Variants in ZNF143 observed in about 807,000 individuals in gnomAD.
ZNF143 encodes the protein SPH-binding factor.
In ZNF143, 49 loss-of-function variants were observed where a neutral mutation model predicts 74.1. The ratio of observed to expected loss-of-function variants is 0.66; its 90% CI spans 0.53 to 0.84. The LOEUF (loss-of-function observed/expected upper bound fraction) is 0.84. ZNF143 is among the 40% of genes least tolerant of loss of function. The pLI is 0.00. For missense variants in ZNF143, 637 were observed against 793.4 expected, an observed-to-expected ratio of 0.80 and a Z score of 2.37; for synonymous variants, 304 against 282.8, an observed-to-expected ratio of 1.07 and a Z score of -0.75.
At chr11:9,526,932 C>A (rs554384446) in intron 15 of ZNF143, among the ~76,000 whole-genome samples, 10 of 152,318 alleles carry the variant, frequency 6.6e-5, no homozygotes, top group Non-Finnish European at 1.5e-4. Context: ...TCATGCCATT[C>A]TCCTCCCTCA....
At position 9,506,419 on chromosome 11, in the gene ZNF143, A is replaced by G. The variant is rs191565382; in HGVS notation, c.1148-2200A>G. On this transcript the variant is annotated intron_variant, in intron 11 of 15. Transcript: ENST00000396602. Reference sequence around the variant, plus strand: ...CATTTTATGGGCAAATTAGCATTCAATAAGAGAGATGCCTACATTAAGTTT... The same window carrying G: ...CATTTTATGGGCAAATTAGCATTCAGTAAGAGAGATGCCTACATTAAGTTT... 3.3e-5 allele frequency among the ~76,000 whole-genome samples: 5 copies of G among 152,392 alleles called. 1 individual carries two copies. Among genetic ancestry groups the G allele is most frequent in the South Asian group, 4.1e-4 (2 of 4,828 alleles).
At chr11:9,522,613 C>T (rs560519507) in intron 14 of ZNF143, among the ~76,000 whole-genome samples, 21 of 152,222 alleles carry the variant, frequency 1.4e-4, no homozygotes, top group Non-Finnish European at 2.9e-4. Flanking sequence ...CCTGCCTCAG[C>T]CTCCCAAGTA....
intron 1 of ZNF143, among the ~76,000 whole-genome samples, chr11:9,468,199 TA>T (rs540545458): frequency 2.6e-4 from 40 of 152,228 alleles, no homozygotes; most frequent in Non-Finnish European, 3.8e-4. Context: ...CCATGTCCAT[TA>T]GTGCTACTTT....
chr11:9,484,781 C>T (rs372391730), intron 7 of ZNF143, among the ~76,000 whole-genome samples: 2 of 127,884 alleles, frequency 1.6e-5, no homozygotes, highest in African/African-American at 3.0e-5. Context: ...CAGGCGTGAG[C>T]CACCGCACCT....
intron 7 of ZNF143, among the ~76,000 whole-genome samples, chr11:9,481,015 C>T (rs190598483): frequency 6.6e-6 from 1 of 152,254 alleles, no homozygotes; most frequent in Admixed American, 6.5e-5. Context: ...TTTCAGTTCA[C>T]TAAGCCCATC....
At chr11:9,472,604 T>C (rs1440699935) in intron 2 of ZNF143, 73 bp from the exon 3 acceptor site, 16 of 1,355,982 alleles carry the variant, frequency 1.2e-5, no homozygotes, top group South Asian at 9.8e-5. Context: ...TTCTGATCTT[T>C]ATTTGAAAAA....
chr11:9,514,447 A>C (rs181204938), intron 13 of ZNF143, among the ~76,000 whole-genome samples: 4 of 152,316 alleles, frequency 2.6e-5, no homozygotes, highest in Admixed American at 2.6e-4. Flanking sequence ...CAGTGGACTT[A>C]GTGTTGGAAT....
At chr11:9,491,336 G>A (rs1026617415) in intron 7 of ZNF143, among the ~76,000 whole-genome samples, 1 of 149,648 alleles carries the variant, frequency 6.7e-6, no homozygotes, top group African/African-American at 2.5e-5. Flanking sequence ...TTACTTTTTT[G>A]TTTATTAAGA....
At chr11:9,511,687 C>T (rs1383330940) in intron 12 of ZNF143, among the ~76,000 whole-genome samples, 1 of 151,892 alleles carries the variant, frequency 6.6e-6, no homozygotes, top group African/African-American at 2.4e-5. Flanking sequence ...ATCTGCCCAC[C>T]TTGGCTTCCC....
chr11:9,461,914 A>G (rs995747011), intron 1 of ZNF143: 1 of 152,220 alleles, frequency 6.6e-6, no homozygotes, highest in Non-Finnish European at 1.5e-5. Flanking sequence ...TTGCTTTGGA[A>G]GTGTCTAAAT....
chr11:9,503,075 C>T lies in ZNF143; in HGVS notation c.1147+1805C>T, dbSNP rs181352995. ...CTCGATCTCCTGACCTCGTGATCCA[C>T]CTGCCTCGACCTCCCAAAGTGCTGG... is the stretch of plus-strand genomic sequence containing the variant. On this transcript the variant is annotated intron_variant, in intron 11 of 15. Coordinates refer to ENST00000396602, the MANE Select transcript of ZNF143 (RefSeq NM_003442.6). Among the ~76,000 whole-genome samples the T allele has an allele frequency of 2.1e-3, 318 of 152,258 alleles. 1 individual carries two copies. The highest frequency in any genetic ancestry group is 7.4e-3 in the African/African-American group (308 of 41,544).
rs766088450 is a variant in ZNF143 at position 9,501,097 on chromosome 11, G to C, written c.974G>C (p.Arg325Thr). ...TTACCCTTTATATTTGCAGGAGAAA[G>C]GCCCTTTAAGTGTCCCTTCGAAGGC... ...QKHIRTHTGERPFKCPFEGCG... is the reference protein window; with the variant it reads ...QKHIRTHTGETPFKCPFEGCG... Residue 325 changes from arginine (R) to threonine (T), a missense_variant, in exon 11 of 16, where the codon AGG becomes ACG. Arg to Thr is a moderately conservative substitution (Grantham distance 71). Around this residue, in one of 2 missense-constraint regions of ZNF143, gnomAD observed 344 missense variants for 485.6 expected, o/e 0.71. Coordinates refer to ENST00000396602, the MANE Select transcript of ZNF143 (RefSeq NM_003442.6). The C allele has an allele frequency of 6.2e-7, 1 of 1,614,110 alleles. No individual in the cohort carries two copies. The highest frequency in any genetic ancestry group is 1.7e-5 in the Admixed American group (1 of 59,996).
At chr11:9,505,394 C>G (rs1017955648) in intron 11 of ZNF143, among the ~76,000 whole-genome samples, 2 of 150,806 alleles carry the variant, frequency 1.3e-5, no homozygotes, top group African/African-American at 4.9e-5. Flanking sequence ...CTCAGCCTCC[C>G]GAGTAGCTGG....
chr11:9,461,621 C>T (rs988138134), intron 1 of ZNF143: 2 of 152,118 alleles, frequency 1.3e-5, no homozygotes, highest in East Asian at 1.9e-4. Flanking sequence ...AGATTGTTTC[C>T]CCCTCACCCT....
chr11:9,479,465 C>A lies in ZNF143; in HGVS notation c.571-7C>A. The A allele has an allele frequency of 6.2e-7, 1 of 1,608,198 alleles. No homozygotes were observed. The highest frequency in any genetic ancestry group is 1.3e-5 in the African/African-American group (1 of 74,546). On this transcript the variant is annotated splice_region_variant and splice_polypyrimidine_tract_variant and intron_variant, in intron 6 of 15. Transcript: ENST00000396602. Reference sequence around the variant, plus strand: ...AAACATTTTAAAGCTTTATTTTATTCCTATAGGTGTCCATTGATGGAAGTG... The same window carrying A: ...AAACATTTTAAAGCTTTATTTTATTACTATAGGTGTCCATTGATGGAAGTG...
At chr11:9,517,174 G>A (rs1336877374) in intron 14 of ZNF143, among the ~76,000 whole-genome samples, 1 of 149,750 alleles carries the variant, frequency 6.7e-6, no homozygotes, top group African/African-American at 2.5e-5. Context: ...ACAGGCATGA[G>A]CCACCATGCC....
At chr11:9,481,798 G>T (rs1477102704) in intron 7 of ZNF143, among the ~76,000 whole-genome samples, 1 of 149,004 alleles carries the variant, frequency 6.7e-6, no homozygotes, top group African/African-American at 2.5e-5. Context: ...TGAGGCAGGA[G>T]AATCGCTTGA....
chr11:9,484,378 A>G lies in ZNF143; in HGVS notation c.645+4832A>G, dbSNP rs2133958360. Among the ~76,000 whole-genome samples, 2 of 151,100 alleles carry G rather than the reference A, an allele frequency of 1.3e-5. 1 individual carries two copies. The highest frequency in any genetic ancestry group is 4.9e-5 in the African/African-American group (2 of 40,640). ...CCGGCTAATTTTTTATATTTTTGTT[A>G]AAGAAATATTTAAAAAAATGTTTTT... On this transcript the variant is annotated intron_variant, in intron 7 of 15. Coordinates refer to ENST00000396602, the MANE Select transcript of ZNF143 (RefSeq NM_003442.6).
In ZNF143 at chr11:9,461,025, G is replaced by C; in HGVS notation, c.-59G>C. The C allele has an allele frequency of 1.0e-6, 1 of 986,206 alleles. No homozygotes were observed. The highest frequency in any genetic ancestry group is 1.2e-6 in the Non-Finnish European group (1 of 830,248). 61.1% of individuals were successfully genotyped at this position (986,206 alleles called of 1,614,324 possible). ...CCTGGGGGCCGGACGGCTGTTTCCT[G>C]TCCTGGTGCATGGTGGTCGGACGAA... On this transcript the variant is annotated 5_prime_UTR_variant, in exon 1 of 16. Coordinates refer to ENST00000396602, the MANE Select transcript of ZNF143 (RefSeq NM_003442.6).
Sources: gnomAD v4.1 joint callset for allele counts (sites outside exome capture counted in the v4.1 genomes callset) on GRCh38, gnomAD v4.1.1 for gene constraint, gnomAD v4.1.1 regional missense constraint, MANE v1.5 for transcripts, NCBI Gene and HGNC (gene_info 2026-07-23, HGNC 2026-07-21) for gene names.